The following ARB2A variants were observed in gnomAD, a reference collection of about 807,000 sequenced individuals.
ARB2A encodes cotranscriptional regulator ARB2A.
chr5:93,960,078 G>C, the ARB2A span, among the ~76,000 whole-genome samples: 3 of 74,626 alleles, frequency 4.0e-5, no homozygotes, highest in African/African-American at 5.8e-5. Flanking sequence ...AAAAACTCTA[G>C]ATGCCCCCCC....
the ARB2A span, chr5:94,055,934 CTT>C: frequency 4.1e-6 from 4 of 983,116 alleles, no homozygotes; most frequent in Non-Finnish European, 4.8e-6. Flanking sequence ...CTATATATCA[CTT>C]TAAAGATTTC....
the ARB2A span, among the ~76,000 whole-genome samples, chr5:94,021,360 C>T: frequency 1.3e-5 from 2 of 152,260 alleles, no homozygotes; most frequent in East Asian, 1.9e-4. Flanking sequence ...TTCTACCAGG[C>T]CCTAGTTGGC....
the ARB2A span, among the ~76,000 whole-genome samples, chr5:93,673,381 C>CTT: frequency 6.8e-6 from 1 of 147,878 alleles, no homozygotes; most frequent in Non-Finnish European, 1.5e-5. Context: ...TCTCTCTTCT[C>CTT]TTTTTTTTTT....
the ARB2A span, among the ~76,000 whole-genome samples, chr5:94,035,232 T>C: frequency 1.5e-4 from 23 of 151,578 alleles, no homozygotes; most frequent in South Asian, 2.1e-4. Flanking sequence ...TACATATACA[T>C]ATACATATAC....
the ARB2A span, among the ~76,000 whole-genome samples, chr5:93,879,332 G>T: frequency 6.6e-6 from 1 of 151,974 alleles, no homozygotes; most frequent in East Asian, 1.9e-4. Flanking sequence ...TAAGAGAAAT[G>T]ATGTTTACTA....
chr5:94,100,691 G>T, the ARB2A span, among the ~76,000 whole-genome samples: 1 of 152,124 alleles, frequency 6.6e-6, no homozygotes, highest in African/African-American at 2.4e-5. Context: ...AAGGGGAAAA[G>T]ACTCCCTATT....
At chr5:94,099,280 T>C in the ARB2A span, among the ~76,000 whole-genome samples, 2 of 152,156 alleles carry the variant, frequency 1.3e-5, no homozygotes, top group African/African-American at 4.8e-5. Flanking sequence ...TAATCCACCA[T>C]GATAAAGGAG....
chr5:94,059,358 C>T, the ARB2A span, among the ~76,000 whole-genome samples: 1 of 152,020 alleles, frequency 6.6e-6, no homozygotes, highest in Non-Finnish European at 1.5e-5. Flanking sequence ...CGTGGTTGCT[C>T]ATACCTGTAA....
the ARB2A span, among the ~76,000 whole-genome samples, chr5:93,766,213 C>T: frequency 6.6e-6 from 1 of 152,216 alleles, no homozygotes; most frequent in East Asian, 1.9e-4. Context: ...TAAAGAGCTT[C>T]TGCACAGCAA....
At chr5:94,000,626 A>G in the ARB2A span, among the ~76,000 whole-genome samples, 1 of 151,880 alleles carries the variant, frequency 6.6e-6, no homozygotes, top group Admixed American at 6.6e-5. Context: ...TTCTCTTAAC[A>G]TTGTTTTTTG....
the ARB2A span, among the ~76,000 whole-genome samples, chr5:93,766,419 C>T: frequency 2.0e-5 from 3 of 152,234 alleles, no homozygotes; most frequent in South Asian, 6.2e-4. Context: ...ATTTATGCAG[C>T]CAAAAGACAC....
At chr5:93,960,230 T>C in the ARB2A span, among the ~76,000 whole-genome samples, 20 of 152,230 alleles carry the variant, frequency 1.3e-4, no homozygotes, top group African/African-American at 4.3e-4. Flanking sequence ...GCTTAGGCAT[T>C]TGTGCAAACA....
chr5:93,957,871 C>T, the ARB2A span, among the ~76,000 whole-genome samples: 1 of 151,684 alleles, frequency 6.6e-6, no homozygotes, highest in African/African-American at 2.4e-5. Context: ...ACAAATAAAG[C>T]CTACATGGAC....
the ARB2A span, among the ~76,000 whole-genome samples, chr5:93,891,651 C>A: frequency 6.6e-6 from 1 of 151,962 alleles, no homozygotes. Flanking sequence ...CAGAAACTAC[C>A]AAGCAGAAAA....
the ARB2A span, among the ~76,000 whole-genome samples, chr5:93,854,917 A>C: frequency 6.6e-6 from 1 of 152,016 alleles, no homozygotes; most frequent in South Asian, 2.1e-4. Flanking sequence ...TGCAGTGCTG[A>C]AAAAAATGTA....
chr5:93,916,396 T>C, the ARB2A span, among the ~76,000 whole-genome samples: 1 of 152,170 alleles, frequency 6.6e-6, no homozygotes, highest in Non-Finnish European at 1.5e-5. Flanking sequence ...ATTTAAAGTA[T>C]GAAATGTATA....
the ARB2A span, among the ~76,000 whole-genome samples, chr5:93,770,337 C>T: frequency 6.6e-6 from 1 of 152,100 alleles, no homozygotes; most frequent in Non-Finnish European, 1.5e-5. Flanking sequence ...ATGACAAACC[C>T]ACAGCCAATA....
chr5:93,986,410 C>T, the ARB2A span, among the ~76,000 whole-genome samples: 2 of 151,068 alleles, frequency 1.3e-5, no homozygotes, highest in East Asian at 2.0e-4. Context: ...AGGTGGGGGG[C>T]GCCTCTGCCC....
chr5:94,094,593 C>T, the ARB2A span, among the ~76,000 whole-genome samples: 2 of 152,180 alleles, frequency 1.3e-5, no homozygotes, highest in African/African-American at 4.8e-5. Flanking sequence ...AATATCCTCT[C>T]ATCTTAGAAG....
Sources: allele counts gnomAD v4.1 joint callset (sites outside exome capture counted in the v4.1 genomes callset), GRCh38; gene constraint gnomAD v4.1.1; transcripts MANE v1.5; gene names NCBI Gene and HGNC (gene_info 2026-07-23, HGNC 2026-07-21).